PTPRQ: variants seen among roughly 807,000 people sequenced by gnomAD.
PTPRQ encodes the protein protein tyrosine phosphatase receptor type Q.
A neutral mutation model predicts 246.0 loss-of-function variants in PTPRQ; 199 were observed. The ratio of observed to expected loss-of-function variants is 0.81; its 90% CI spans 0.72 to 0.91. PTPRQ has a LOEUF of 0.91. Ranked by LOEUF, PTPRQ falls within the 40% of genes least tolerant of loss-of-function variation. PTPRQ has a pLI of 0.00. For missense variants in PTPRQ, 2,624 were observed against 2,528.4 expected, an observed-to-expected ratio of 1.04 and a Z score of -0.81; for synonymous variants, 869 against 853.2, an observed-to-expected ratio of 1.02 and a Z score of -0.32.
chr12:80,549,912 C>T (rs994795424), intron 25 of PTPRQ, among the ~76,000 whole-genome samples, 178 bp downstream of exon 25: 17 of 152,040 alleles, frequency 1.1e-4, no homozygotes, highest in African/African-American at 4.1e-4. Flanking sequence ...CTACATTGAC[C>T]CTTCTCCAAA....
rs372908419 is a variant in PTPRQ, at chr12:80,444,407, G to T, written c.54+8G>T. 9.2e-6 allele frequency: 13 copies of T among 1,417,756 alleles called. No individual in the cohort carries two copies. The highest frequency in any genetic ancestry group is 1.1e-5 in the Non-Finnish European group (11 of 1,028,884). The allele number at this position is 1,417,756 out of a possible 1,614,324, so 87.8% of individuals were successfully genotyped here. A position where few individuals can be genotyped will look rare whatever the true frequency, so the allele number is the denominator to read the frequency against. ...GGGACTTCAGAGACACAGGTATTTC[G>T]TATACACTCTTTAAAAACAAGGGCT... On this transcript the variant is annotated splice_region_variant and intron_variant, in intron 1 of 44. Transcript: ENST00000644991.
At chr12:80,642,702 C>T (rs1899909093) in intron 35 of PTPRQ, among the ~76,000 whole-genome samples, 1 of 151,112 alleles carries the variant, frequency 6.6e-6, no homozygotes, top group African/African-American at 2.4e-5. Flanking sequence ...GGGCGGATCA[C>T]GAGGTCAGGA....
intron 39 of PTPRQ, among the ~76,000 whole-genome samples, chr12:80,661,227 A>G (rs1307787949): frequency 6.6e-6 from 1 of 150,404 alleles, no homozygotes; most frequent in Non-Finnish European, 1.5e-5. Context: ...ATATATATAT[A>G]AACACATATA....
chr12:80,570,199 A>C (rs969785169), intron 25 of PTPRQ, among the ~76,000 whole-genome samples: 1 of 152,222 alleles, frequency 6.6e-6, no homozygotes, highest in Admixed American at 6.5e-5. Context: ...ACTCCTACGA[A>C]CAGTATAAAA....
chr12:80,553,866 G>T (rs1224155370), intron 25 of PTPRQ, among the ~76,000 whole-genome samples: 1 of 152,124 alleles, frequency 6.6e-6, no homozygotes, highest in African/African-American at 2.4e-5. Context: ...ACCTTGAATT[G>T]ATTCAAAATG....
intron 25 of PTPRQ, among the ~76,000 whole-genome samples, chr12:80,554,863 C>A (rs1896598856): frequency 6.6e-6 from 1 of 152,118 alleles, no homozygotes; most frequent in African/African-American, 2.4e-5. Context: ...CTACCTCAGC[C>A]TCCTGAGTAG....
intron 38 of PTPRQ, among the ~76,000 whole-genome samples, chr12:80,655,866 C>A (rs747119555): frequency 1.3e-5 from 2 of 152,116 alleles, no homozygotes; most frequent in Non-Finnish European, 2.9e-5. Flanking sequence ...AAGCAGAATG[C>A]CAAATATCAC....
rs1892498246 is a variant in PTPRQ, at chr12:80,444,662, G to A, written c.55-79G>A. Reference sequence around the variant, plus strand: ...GTTATATAGTGAAGAGTTAATTTTTGTTATAGTGATAGATTTATTTTAGCT... The same window carrying A: ...GTTATATAGTGAAGAGTTAATTTTTATTATAGTGATAGATTTATTTTAGCT... On this transcript the variant is annotated intron_variant, in intron 1 of 44. Coordinates refer to ENST00000644991, the MANE Select transcript of PTPRQ (RefSeq NM_001145026.2). 7.7e-6 allele frequency: 8 copies of A among 1,042,342 alleles called. No homozygotes were observed. The South Asian group carries it at 9.6e-5, about 13-fold the overall frequency. The allele number at this position is 1,042,342 out of a possible 1,614,324, so 64.6% of individuals were successfully genotyped here. A position where few individuals can be genotyped will look rare whatever the true frequency, so the allele number is the denominator to read the frequency against.
intron 25 of PTPRQ, among the ~76,000 whole-genome samples, chr12:80,578,182 T>C (rs2120983024): frequency 6.6e-6 from 1 of 150,760 alleles, no homozygotes; most frequent in Non-Finnish European, 1.5e-5. Flanking sequence ...AACTTGTCAT[T>C]TAGCATTAGG....
At chr12:80,562,629 G>A (rs1298145422) in intron 25 of PTPRQ, among the ~76,000 whole-genome samples, 3 of 151,992 alleles carry the variant, frequency 2.0e-5, no homozygotes, top group African/African-American at 7.2e-5. Flanking sequence ...GTGAGACTCA[G>A]TGAAAAGAAA....
At chr12:80,466,738 G>C (rs1442704957) in intron 6 of PTPRQ, among the ~76,000 whole-genome samples, 1 of 152,106 alleles carries the variant, frequency 6.6e-6, no homozygotes, top group Non-Finnish European at 1.5e-5. Flanking sequence ...ACAAACCTGA[G>C]AAAAACAAGC....
intron 39 of PTPRQ, among the ~76,000 whole-genome samples, chr12:80,662,900 A>G (rs949839088): frequency 1.3e-5 from 2 of 152,072 alleles, no homozygotes; most frequent in Non-Finnish European, 2.9e-5. Context: ...TTGCACACAC[A>G]TATTCAAAGG....
intron 6 of PTPRQ, among the ~76,000 whole-genome samples, chr12:80,468,333 G>A (rs1047234095): frequency 2.6e-5 from 4 of 152,106 alleles, no homozygotes; most frequent in African/African-American, 9.7e-5. Flanking sequence ...TGTTTATCAA[G>A]CCAGATATCC....
chr12:80,526,600 C>A (rs1418617308), intron 17 of PTPRQ, among the ~76,000 whole-genome samples: 3 of 152,096 alleles, frequency 2.0e-5, no homozygotes, highest in Non-Finnish European at 4.4e-5. Context: ...ATAAGCAACA[C>A]TTTCCACAGC....
intron 14 of PTPRQ, among the ~76,000 whole-genome samples, chr12:80,497,595 A>C (rs1414542183): frequency 6.6e-6 from 1 of 152,052 alleles, no homozygotes; most frequent in East Asian, 1.9e-4. Context: ...CATCTAAAGG[A>C]AGTAAAACAA....
At chr12:80,565,590 G>A (rs540197183) in intron 25 of PTPRQ, among the ~76,000 whole-genome samples, 4 of 152,148 alleles carry the variant, frequency 2.6e-5, no homozygotes, top group South Asian at 2.1e-4. Context: ...ACCATATGAC[G>A]TGAAAGCTTC....
At chr12:80,592,865 T>A (rs1472159374) in intron 26 of PTPRQ, among the ~76,000 whole-genome samples, 1 of 151,830 alleles carries the variant, frequency 6.6e-6, no homozygotes, top group African/African-American at 2.4e-5. Flanking sequence ...CAAAAAATTA[T>A]CCGAACATGG....
In PTPRQ at chr12:80,549,561, C is replaced by T. The variant is rs1473496238; in HGVS notation, c.4112C>T (p.Thr1371Met). ...DPPKKANGII[T>M]QYMVTVERNS... ...CCCAAAAAGGCAAATGGAATAATAA[C>T]GCAGTATATGGTAACAGTTGAAAGG... Residue 1371 changes from threonine to methionine, a missense_variant, in exon 25 of 45, where the codon ACG (threonine) becomes ATG (methionine). Thr to Met is a moderately conservative substitution (Grantham distance 81). Coordinates refer to ENST00000644991, the MANE Select transcript of PTPRQ (RefSeq NM_001145026.2). The T allele has an allele frequency of 3.9e-6, 6 of 1,551,094 alleles. No homozygotes were observed. The highest frequency in any genetic ancestry group is 1.7e-4 in the Middle Eastern group (1 of 5,990).
At chr12:80,671,565 C>G (rs542641537) in intron 42 of PTPRQ, among the ~76,000 whole-genome samples, 1 of 152,190 alleles carries the variant, frequency 6.6e-6, no homozygotes, top group East Asian at 1.9e-4. Context: ...ATATTATTGA[C>G]CATCTTTAAA....
Sources: allele counts gnomAD v4.1 joint callset (sites outside exome capture counted in the v4.1 genomes callset), GRCh38; gene constraint gnomAD v4.1.1; transcripts MANE v1.5; gene names NCBI Gene and HGNC (gene_info 2026-07-23, HGNC 2026-07-21).